NDUFAF6: variants seen among roughly 807,000 people sequenced by gnomAD.
NDUFAF6 encodes the protein NADH:ubiquinone oxidoreductase complex assembly factor 6.
In NDUFAF6, 45 loss-of-function variants were observed where a neutral mutation model predicts 40.8. That is an observed-to-expected ratio of 1.10 (90% confidence interval 0.87 to 1.42). NDUFAF6 has a LOEUF of 1.42. Among genes scored for constraint, NDUFAF6 ranks in the 40% most tolerant of loss-of-function variants. The probability of loss-of-function intolerance (pLI) is 0.00; values close to 1 mark genes in which losing one functional copy is unlikely to be tolerated. For synonymous variants in NDUFAF6, 185 were observed against 155.9 expected (o/e 1.19, Z -1.39); for missense variants, 435 against 418.5 (o/e 1.04, Z -0.34).
intron 1 of NDUFAF6, chr8:94,929,267 TCA>T (rs1378919290): frequency 6.6e-6 from 1 of 152,092 alleles, no homozygotes; most frequent in Non-Finnish European, 1.5e-5. Flanking sequence ...TATAGAATCC[TCA>T]CAGTGACTCT....
chr8:95,105,839 T>C (rs1249891106), downstream of NDUFAF6, among the ~76,000 whole-genome samples: 1 of 152,098 alleles, frequency 6.6e-6, no homozygotes, highest in Non-Finnish European at 1.5e-5. Flanking sequence ...TTTTGCTATG[T>C]TGCCCAGGCT....
chr8:95,078,083 G>A (rs1223299897), downstream of NDUFAF6, among the ~76,000 whole-genome samples: 1 of 152,164 alleles, frequency 6.6e-6, no homozygotes, highest in Admixed American at 6.5e-5. Context: ...GCAGAGAAGA[G>A]GCTAAACAGT....
At chr8:95,112,481 G>A (rs980055675) in intron 4 of NDUFAF6, among the ~76,000 whole-genome samples, 1 of 152,166 alleles carries the variant, frequency 6.6e-6, no homozygotes, top group African/African-American at 2.4e-5. Context: ...GGCAAGGAAG[G>A]ATTCTCTCCT....
intron 2 of NDUFAF6, among the ~76,000 whole-genome samples, chr8:94,994,114 G>C (rs1826312240): frequency 6.6e-6 from 1 of 152,082 alleles, no homozygotes; most frequent in South Asian, 2.1e-4. Flanking sequence ...GTGCTCCATG[G>C]GAAGAATATG....
rs376279203 is a variant in NDUFAF6 at position 94,985,935 on chromosome 8, G to A, written c.-84+4962G>A. Among the ~76,000 whole-genome samples, 43 of 150,362 alleles carry A rather than the reference G, an allele frequency of 2.9e-4. No individual in the cohort carries two copies. The Middle Eastern group carries it at 0.017, about 60-fold the overall frequency. ...ATCGCCCAGGCTGGAGTGCAGTGGCGTGATCTCGGCTCACTGCAAGCTCTG... is the reference window on the plus strand; with the variant it reads ...ATCGCCCAGGCTGGAGTGCAGTGGCATGATCTCGGCTCACTGCAAGCTCTG... On this transcript the variant is annotated intron_variant, in intron 2 of 9. Transcript: ENST00000396111.
Position 95,006,994 on chromosome 8 carries a change from C to CAA in NDUFAF6, c.-83-24989_-83-24988dup, listed in dbSNP as rs772778989. 4.9e-4 allele frequency among the ~76,000 whole-genome samples: 66 copies of CAA among 134,484 alleles called. 1 individual carries two copies. The highest frequency in any genetic ancestry group is 1.4e-3 in the African/African-American group (52 of 35,888). 88.2% of individuals were successfully genotyped at this position (134,484 alleles called of 152,430 possible). A position where few individuals can be genotyped will look rare whatever the true frequency, so the allele number is the denominator to read the frequency against. On this transcript the variant is annotated intron_variant, in intron 2 of 9. Coordinates refer to the NDUFAF6 transcript ENST00000396111. The stretch of plus-strand genomic sequence containing the variant: ...GAGTCCATATAATCCAATATAAGGG[C>CAA]AAAAAAAAAAAAAGCATACGTTGAA...
chr8:95,009,999 A>G (rs1409613857), intron 2 of NDUFAF6, among the ~76,000 whole-genome samples: 5 of 152,160 alleles, frequency 3.3e-5, no homozygotes, highest in Non-Finnish European at 7.3e-5. Flanking sequence ...GTGATTGCAA[A>G]ATTCCCCAGC....
chr8:95,032,039 C>T lies in NDUFAF6; in HGVS notation c.242C>T (p.Ala81Val). Residue 81 changes from alanine to valine, a missense_variant, in exon 2 of 9, where the codon GCA becomes GTA. Ala to Val is a moderately conservative substitution (Grantham distance 64). Transcript: ENST00000396124. ...TATTTATGCTCCCTGCTGCTCCCTG[C>T]AGAATCCCGAAGCTCTGTTTTTGCA... ...EGYLCSLLLP[A>V]ESRSSVFALR... 1 of 1,614,196 alleles carries T rather than the reference C, an allele frequency of 6.2e-7. No individual in the cohort carries two copies. The highest frequency in any genetic ancestry group is 8.5e-7 in the Non-Finnish European group (1 of 1,180,024).
chr8:94,951,873 G>T (rs80014156), intron 2 of NDUFAF6, among the ~76,000 whole-genome samples: 5,099 of 152,266 alleles, frequency 0.033, 153 homozygotes, highest in African/African-American at 0.079. Flanking sequence ...TCTCCATAGC[G>T]TAGAGCTGTC....
chr8:95,056,820 C>T (rs1408428983), intron 8 of NDUFAF6, among the ~76,000 whole-genome samples: 1 of 151,064 alleles, frequency 6.6e-6, no homozygotes, highest in East Asian at 2.0e-4. Context: ...GCAGAAGAAT[C>T]GTTTGAACCC....
chr8:94,911,435 A>G (rs1421029559), intron 1 of NDUFAF6, among the ~76,000 whole-genome samples: 1 of 152,192 alleles, frequency 6.6e-6, no homozygotes, highest in East Asian at 1.9e-4. Flanking sequence ...CCTCCCACAT[A>G]AGTGATTTGG....
intron 2 of NDUFAF6, among the ~76,000 whole-genome samples, chr8:95,014,965 C>T (rs1827377809): frequency 1.3e-5 from 2 of 152,196 alleles, no homozygotes; most frequent in Non-Finnish European, 2.9e-5. Context: ...CCTGAAAGTG[C>T]TGTTTGGCTT....
chr8:94,961,319 C>T (rs1319771867), intron 1 of NDUFAF6, among the ~76,000 whole-genome samples: 3 of 152,256 alleles, frequency 2.0e-5, no homozygotes, highest in Non-Finnish European at 4.4e-5. Context: ...CATTTTAAAT[C>T]AGTACAGTTG....
At chr8:95,051,997 TTAC>T (rs1831489200) in intron 7 of NDUFAF6, among the ~76,000 whole-genome samples, 174 bp from the exon 8 acceptor site, 1 of 152,206 alleles carries the variant, frequency 6.6e-6, no homozygotes, top group Non-Finnish European at 1.5e-5. Flanking sequence ...ACTACAGTAG[TTAC>T]TTTTTCCTGA....
downstream of NDUFAF6, among the ~76,000 whole-genome samples, chr8:95,062,934 G>T (rs560964486): frequency 2.6e-5 from 4 of 152,170 alleles, no homozygotes; most frequent in Admixed American, 2.6e-4. Flanking sequence ...AGTACAAACT[G>T]GATATGAGAA....
At chr8:95,016,232 C>A (rs971874055) in intron 2 of NDUFAF6, among the ~76,000 whole-genome samples, 1 of 152,164 alleles carries the variant, frequency 6.6e-6, no homozygotes, top group African/African-American at 2.4e-5. Flanking sequence ...ATAATTATTT[C>A]ATGTTGACAA....
At chr8:95,039,504 C>T (rs1402507351) in intron 3 of NDUFAF6, among the ~76,000 whole-genome samples, 5 of 151,512 alleles carry the variant, frequency 3.3e-5, no homozygotes, top group Non-Finnish European at 7.4e-5. Flanking sequence ...TCTCAAACTC[C>T]TGAGCTCAAG....
intron 1 of NDUFAF6, among the ~76,000 whole-genome samples, chr8:94,975,027 C>T (rs1211180578): frequency 6.6e-6 from 1 of 152,242 alleles, no homozygotes; most frequent in African/African-American, 2.4e-5. Flanking sequence ...CAGCTCCTTG[C>T]TTCTTCCTTT....
chr8:94,898,869 A>G (rs1361005124), intron 1 of NDUFAF6, among the ~76,000 whole-genome samples: 1 of 152,250 alleles, frequency 6.6e-6, no homozygotes, highest in Non-Finnish European at 1.5e-5. Flanking sequence ...CTTGTTGGTC[A>G]GATTGTTCAA....
Sources: gnomAD v4.1 joint callset for allele counts (sites outside exome capture counted in the v4.1 genomes callset) on GRCh38, gnomAD v4.1.1 for gene constraint, MANE v1.5 for transcripts, NCBI Gene and HGNC (gene_info 2026-07-23, HGNC 2026-07-21) for gene names.